HCLS1: variants seen among roughly 807,000 people sequenced by gnomAD.
The protein encoded by HCLS1 is hematopoietic lineage cell-specific protein.
HCLS1 carries 44 observed loss-of-function variants against 68.6 expected under a neutral mutation model. That is an observed-to-expected ratio of 0.64 (90% CI 0.50 to 0.82). HCLS1 has a LOEUF of 0.82. Ranked by LOEUF, HCLS1 falls within the 40% of genes least tolerant of loss-of-function variation. The pLI is 0.00. For synonymous variants in HCLS1, 217 were observed against 225.8 expected (o/e 0.96, Z 0.35); for missense variants, 602 against 612.1 (o/e 0.98, Z 0.17).
chr3:121,642,036 A>C (rs1380241744), intron 6 of HCLS1, among the ~76,000 whole-genome samples: 2 of 141,262 alleles, frequency 1.4e-5, no homozygotes, highest in African/African-American at 2.6e-5. Flanking sequence ...GCCGAGATCC[A>C]GCCACTGCAC....
intron 1 of HCLS1, among the ~76,000 whole-genome samples, chr3:121,660,196 A>T (rs560513980): frequency 6.6e-6 from 1 of 152,306 alleles, no homozygotes; most frequent in South Asian, 2.1e-4. Flanking sequence ...ATTAAGAAAT[A>T]CTAACTTTAA....
intron 3 of HCLS1, chr3:121,656,144 C>A (rs951708215): frequency 6.6e-6 from 1 of 152,098 alleles, no homozygotes; most frequent in Non-Finnish European, 1.5e-5. Flanking sequence ...CCACCACGCC[C>A]GGCCGAAACC....
At chr3:121,639,527 T>TG (rs2049178570) in intron 6 of HCLS1, among the ~76,000 whole-genome samples, 4 of 141,200 alleles carry the variant, frequency 2.8e-5, no homozygotes, top group Non-Finnish European at 6.0e-5. Context: ...AATGATTTTA[T>TG]TTTTTGTTGT....
intron 6 of HCLS1, among the ~76,000 whole-genome samples, chr3:121,639,023 ACG>A (rs201508325): frequency 1.9e-5 from 1 of 52,714 alleles, no homozygotes; most frequent in African/African-American, 5.4e-5. Context: ...ACACACACAC[ACG>A]CACACACACA....
At chr3:121,639,530 T>TTTTTTG (rs1553843832) in intron 6 of HCLS1, among the ~76,000 whole-genome samples, 15 of 151,226 alleles carry the variant, frequency 9.9e-5, no homozygotes, top group African/African-American at 3.6e-4. Flanking sequence ...GATTTTATTT[T>TTTTTTG]TTGTTGTTGT....
At chr3:121,634,472 G>A (rs1182003111) in intron 9 of HCLS1, 54 bp from the exon 10 acceptor site, 2 of 1,539,264 alleles carry the variant, frequency 1.3e-6, no homozygotes, top group African/African-American at 1.4e-5. Context: ...GAGTGGGGAA[G>A]GGCATGGCAC....
rs1411563669 is a variant in HCLS1, at chr3:121,632,366, C to T, written c.1206G>A (p.Glu402=). The stretch of plus-strand genomic sequence containing the variant: ...CAGAAGAAAAAGAAGAATCTTCAGG[C>T]TCGAGCACCTCCTCATAGTCCCCCT... The part of the protein sequence containing the change: ...EPEGDYEEVL[E]PEDSSFSSAL... Residue 402 remains glutamate (E), a synonymous_variant, in exon 12 of 14, where the codon GAG becomes GAA. Transcript: ENST00000314583. 2 of 1,614,158 alleles carry T rather than the reference C, an allele frequency of 1.2e-6. No homozygotes were observed. Among genetic ancestry groups the T allele is most frequent in the South Asian group, 2.2e-5 (2 of 91,080 alleles).
chr3:121,647,600 A>G, intron 3 of HCLS1, 152 bp from the exon 4 acceptor site: 1 of 675,088 alleles, frequency 1.5e-6, no homozygotes, highest in Non-Finnish European at 2.5e-6. Context: ...TGGAAGTAAA[A>G]GATCAGTCTG....
chr3:121,644,951 T>C lies in HCLS1; in HGVS notation c.289-23A>G, dbSNP rs1209631995. 2.6e-6 allele frequency: 4 copies of C among 1,542,660 alleles called. No homozygotes were observed. In the East Asian group the frequency reaches 6.7e-5, roughly 26 times the overall value. On this transcript the variant is annotated intron_variant, in intron 4 of 13. Transcript: ENST00000314583. ...ACTCTGAGAAAAATCAAGGATGGAG[T>C]GAGTGAAAAGATAAAAATGACCTTA...
intron 6 of HCLS1, among the ~76,000 whole-genome samples, chr3:121,642,079 C>CAA (rs1167544123): frequency 0.027 from 1,741 of 64,380 alleles, 66 homozygotes; most frequent in African/African-American, 0.032. Flanking sequence ...GACTCCGTCG[C>CAA]AAAAAAAAAA....
chr3:121,632,209 G>A, intron 12 of HCLS1, 25 bp from the exon 13 acceptor site: 2 of 1,611,478 alleles, frequency 1.2e-6, no homozygotes, highest in Non-Finnish European at 1.7e-6. Flanking sequence ...ACACAAACAT[G>A]GGATCATCAA....
intron 5 of HCLS1, chr3:121,643,337 C>T (rs542693572): frequency 4.8e-6 from 1 of 207,340 alleles, no homozygotes; most frequent in South Asian, 9.4e-5. Context: ...CCCTCTTCAT[C>T]TGGGATGTCA....
chr3:121,632,573 G>A lies in HCLS1; in HGVS notation c.1009-10C>T. The A allele has an allele frequency of 6.2e-7, 1 of 1,607,876 alleles. No individual in the cohort carries two copies. The highest frequency in any genetic ancestry group is 1.1e-5 in the South Asian group (1 of 91,006). On this transcript the variant is annotated splice_polypyrimidine_tract_variant and intron_variant, in intron 11 of 13. Coordinates refer to ENST00000314583, the MANE Select transcript of HCLS1 (RefSeq NM_005335.6). ...GGGGCTCCTCATTGTCCTGAGAAGA[G>A]ACAGTGTGGAGCACTGTGACTTCCA...
chr3:121,657,329 T>A lies in HCLS1; in HGVS notation c.108A>T (p.Gln36His), dbSNP rs1208450421. ...CCTCGATGGTCTTGGCTCCCCATCG[T>A]TGCTCCTTTTCAGAGATGTCATTCT... Reference protein sequence around the residue: ...DFVNDISEKEQRWGAKTIEGS... With the variant: ...DFVNDISEKEHRWGAKTIEGS... The change falls in exon 3 of 14, where the codon CAA becomes CAT. Residue 36 changes from glutamine (Q) to histidine (H), a missense_variant. Gln to His is a conservative substitution (Grantham distance 24). Transcript: ENST00000314583. 6.2e-7 allele frequency: 1 copy of A among 1,614,100 alleles called. No homozygotes were observed. Among genetic ancestry groups the A allele is most frequent in the South Asian group, 1.1e-5 (1 of 91,080 alleles).
intron 3 of HCLS1, among the ~76,000 whole-genome samples, chr3:121,651,424 T>G (rs1233210879): frequency 2.6e-5 from 4 of 152,128 alleles, no homozygotes; most frequent in African/African-American, 9.7e-5. Context: ...GGTTTTGTTG[T>G]TGTTGTTGTT....
chr3:121,631,754 G>C lies in HCLS1; in HGVS notation c.*92C>G, dbSNP rs930303241. 2.1e-6 allele frequency: 3 copies of C among 1,404,172 alleles called. No homozygotes were observed. In the Admixed American group the frequency reaches 5.4e-5, roughly 25 times the overall value. The allele number at this position is 1,404,172 out of a possible 1,614,324, so 87.0% of individuals were successfully genotyped here. On this transcript the variant is annotated 3_prime_UTR_variant, in exon 14 of 14. Transcript: ENST00000314583. The stretch of plus-strand genomic sequence containing the variant: ...GGGAAGTCTGTCCAGAACCTCATCT[G>C]GTTAGACATTTGCAGCAGGAATAGG...
chr3:121,639,461 A>G (rs1168333021), intron 6 of HCLS1, among the ~76,000 whole-genome samples: 2 of 152,260 alleles, frequency 1.3e-5, no homozygotes, highest in African/African-American at 4.8e-5. Flanking sequence ...CAGCTTTTAA[A>G]TAATACATGT....
At chr3:121,654,462 C>A (rs773806929) in intron 3 of HCLS1, among the ~76,000 whole-genome samples, 1 of 152,132 alleles carries the variant, frequency 6.6e-6, no homozygotes, top group Admixed American at 6.5e-5. Flanking sequence ...AGGGAAAAGA[C>A]ACCCTTGAGT....
At chr3:121,640,179 C>T (rs2049183613) in intron 6 of HCLS1, among the ~76,000 whole-genome samples, 1 of 151,976 alleles carries the variant, frequency 6.6e-6, no homozygotes. Context: ...GAACAAATTC[C>T]TTGAAAAGCA....
Sources: gnomAD v4.1 joint callset for allele counts (sites outside exome capture counted in the v4.1 genomes callset) on GRCh38, gnomAD v4.1.1 for gene constraint, MANE v1.5 for transcripts, NCBI Gene and HGNC (gene_info 2026-07-23, HGNC 2026-07-21) for gene names.